Variants in PDZRN3 observed in about 807,000 individuals in gnomAD.
The protein encoded by PDZRN3 is E3 ubiquitin-protein ligase PDZRN3.
In PDZRN3, 38 loss-of-function variants were observed where a neutral mutation model predicts 85.7. The ratio of observed to expected loss-of-function variants is 0.44; its 90% CI spans 0.34 to 0.58. PDZRN3 has a LOEUF of 0.58. Among genes scored for constraint, PDZRN3 ranks in the 20% least tolerant of loss-of-function variants. The probability of loss-of-function intolerance (pLI) is 0.01; values close to 1 mark genes in which losing one functional copy is unlikely to be tolerated. For synonymous variants in PDZRN3, 759 were observed against 638.0 expected, an observed-to-expected ratio of 1.19 and a Z score of -2.86; for missense variants, 1,629 against 1,506.4, an observed-to-expected ratio of 1.08 and a Z score of -1.35.
intron 3 of PDZRN3, among the ~76,000 whole-genome samples, chr3:73,462,290 TA>T (rs146144964): frequency 0.02 from 3,085 of 152,098 alleles, 101 homozygotes; most frequent in African/African-American, 0.068. Context: ...TGTGAACCTT[TA>T]AAAAAGGAAC....
At chr3:73,591,576 ACCT>A (rs1172715024) in intron 3 of PDZRN3, among the ~76,000 whole-genome samples, 2 of 151,812 alleles carry the variant, frequency 1.3e-5, no homozygotes, top group Middle Eastern at 3.4e-3. Context: ...CTTGCTGGAA[ACCT>A]CCTCCAGCCC....
chr3:73,443,473 C>CTTTCTCT (rs1702682690), intron 3 of PDZRN3, among the ~76,000 whole-genome samples: 43 of 38,856 alleles, frequency 1.1e-3, no homozygotes, highest in African/African-American at 3.1e-3. Flanking sequence ...ATTTATTTTC[C>CTTTCTCT]TTTTTCTTTT....
intron 3 of PDZRN3, among the ~76,000 whole-genome samples, chr3:73,591,331 T>C (rs542137783): frequency 2.6e-5 from 4 of 152,342 alleles, no homozygotes; most frequent in African/African-American, 7.2e-5. Context: ...GGAACACTTA[T>C]GTCAGCACAT....
intron 7 of PDZRN3, among the ~76,000 whole-genome samples, chr3:73,388,702 G>A (rs557271577): frequency 2.0e-4 from 30 of 151,958 alleles, no homozygotes; most frequent in Non-Finnish European, 3.7e-4. Flanking sequence ...TGGTTCCACT[G>A]AATTGGAAGT....
At chr3:73,392,567 A>G (rs1701550400) in intron 5 of PDZRN3, among the ~76,000 whole-genome samples, 2 of 152,208 alleles carry the variant, frequency 1.3e-5, no homozygotes, top group Admixed American at 1.3e-4. Flanking sequence ...TGAGGCACAC[A>G]AGAGCTCTTA....
At chr3:73,545,680 CT>C (rs1403393592) in intron 3 of PDZRN3, among the ~76,000 whole-genome samples, 1 of 152,220 alleles carries the variant, frequency 6.6e-6, no homozygotes, top group African/African-American at 2.4e-5. Flanking sequence ...TTTTGAGACT[CT>C]ATCAACTAGA....
chr3:73,484,441 A>G (rs1200961884), intron 3 of PDZRN3, among the ~76,000 whole-genome samples: 1 of 152,094 alleles, frequency 6.6e-6, no homozygotes, highest in East Asian at 1.9e-4. Flanking sequence ...TCGATGCCCC[A>G]GAGAACAGAG....
At chr3:73,388,276 G>A in intron 7 of PDZRN3, 1 of 419,274 alleles carries the variant, frequency 2.4e-6, no homozygotes, top group Admixed American at 4.3e-5. Context: ...CTATAAGGGA[G>A]CCTCCATGAG....
chr3:73,605,094 C>T (rs1702576873), intron 2 of PDZRN3, among the ~76,000 whole-genome samples: 1 of 151,838 alleles, frequency 6.6e-6, no homozygotes. Flanking sequence ...ATGGTCCCAG[C>T]TACTTGGGAG....
At chr3:73,530,311 A>C (rs1704623551) in intron 3 of PDZRN3, among the ~76,000 whole-genome samples, 1 of 152,212 alleles carries the variant, frequency 6.6e-6, no homozygotes, top group African/African-American at 2.4e-5. Flanking sequence ...AATAAAAATT[A>C]AGTGGTTACA....
At chr3:73,512,031 A>G (rs1169328039) in intron 3 of PDZRN3, among the ~76,000 whole-genome samples, 1 of 152,222 alleles carries the variant, frequency 6.6e-6, no homozygotes, top group Non-Finnish European at 1.5e-5. Flanking sequence ...TCCTTTGGTA[A>G]GCAAGTTTGT....
intron 3 of PDZRN3, among the ~76,000 whole-genome samples, chr3:73,472,927 T>C (rs1189148835): frequency 6.6e-6 from 1 of 152,250 alleles, no homozygotes; most frequent in Non-Finnish European, 1.5e-5. Flanking sequence ...GCATTCAAGA[T>C]ATACCATGTT....
At chr3:73,541,942 AAGGT>A (rs1235970734) in intron 3 of PDZRN3, among the ~76,000 whole-genome samples, 13 of 152,336 alleles carry the variant, frequency 8.5e-5, no homozygotes, top group Middle Eastern at 3.4e-3. Flanking sequence ...GGTAAGCTAA[AAGGT>A]AGTATTTGAG....
In PDZRN3 at chr3:73,624,812, A is replaced by G; in HGVS notation, c.14T>C (p.Leu5Pro). The change falls in exon 1 of 10, where the codon CTG becomes CCG. Residue 5 changes from leucine (L) to proline (P), a missense_variant. Coordinates refer to ENST00000263666, the MANE Select transcript of PDZRN3 (RefSeq NM_015009.3). ...GTCCACGTCGCCGTCGAAGCGGTCC[A>G]GCTCGAAGCCCATGGTGGCGGCCAG... MGFELDRFDGDVDPD... is the reference protein window; with the variant it reads MGFEPDRFDGDVDPD... 4 of 1,357,620 alleles carry G rather than the reference A, an allele frequency of 2.9e-6. No homozygotes were observed. Among genetic ancestry groups the G allele is most frequent in the Non-Finnish European group, 3.8e-6 (4 of 1,058,628 alleles). The allele number at this position is 1,357,620 out of a possible 1,614,324, so 84.1% of individuals were successfully genotyped here.
At chr3:73,570,510 AATGCGGC>A (rs2106850167) in intron 3 of PDZRN3, among the ~76,000 whole-genome samples, 1 of 152,306 alleles carries the variant, frequency 6.6e-6, no homozygotes, top group East Asian at 1.9e-4. Context: ...ATATGTAATA[AATGCGGC>A]ATTAACCCAC....
chr3:73,614,433 T>C (rs1702731423), intron 1 of PDZRN3, among the ~76,000 whole-genome samples: 1 of 152,234 alleles, frequency 6.6e-6, no homozygotes, highest in Non-Finnish European at 1.5e-5. Flanking sequence ...CAATGTGGAC[T>C]CTTTTTAAAA....
At position 73,620,000 on chromosome 3, in the gene PDZRN3, A is replaced by G. The variant is rs566223822; in HGVS notation, c.723+4103T>C. ...CTGTTGATACTACTTGGAAAGCGCT[A>G]CTAGCCTCTAGTAGGTAGGTAGGTA... On this transcript the variant is annotated intron_variant, in intron 1 of 9. Transcript: ENST00000263666. Among the ~76,000 whole-genome samples, 5 of 152,350 alleles carry G rather than the reference A, an allele frequency of 3.3e-5. No homozygotes were observed. The East Asian group carries it at 9.6e-4, about 29-fold the overall frequency.
intron 3 of PDZRN3, among the ~76,000 whole-genome samples, chr3:73,540,459 A>T (rs1283808228): frequency 6.6e-6 from 1 of 152,162 alleles, no homozygotes; most frequent in Non-Finnish European, 1.5e-5. Flanking sequence ...CCCCACCCAA[A>T]TCTCATCTTA....
intron 3 of PDZRN3, among the ~76,000 whole-genome samples, chr3:73,566,780 A>G (rs972463129): frequency 6.6e-6 from 1 of 152,146 alleles, no homozygotes; most frequent in Non-Finnish European, 1.5e-5. Context: ...CTCTCTTCAC[A>G]CCTATAAAGA....
Sources: allele counts gnomAD v4.1 joint callset (sites outside exome capture counted in the v4.1 genomes callset), GRCh38; gene constraint gnomAD v4.1.1; transcripts MANE v1.5; gene names NCBI Gene and HGNC (gene_info 2026-07-23, HGNC 2026-07-21).